Variants in MEGF10 observed in about 807,000 individuals in gnomAD.
MEGF10 encodes multiple epidermal growth factor-like domains protein 10.
Under a neutral mutation model 147.5 loss-of-function variants are expected in MEGF10, and 86 were observed. That is an observed-to-expected ratio of 0.58 (90% CI 0.49 to 0.70). The LOEUF (loss-of-function observed/expected upper bound fraction) is 0.70. Ranked by LOEUF, MEGF10 falls within the 30% of genes least tolerant of loss-of-function variation. MEGF10 has a pLI of 0.00. For synonymous variants in MEGF10, 478 were observed against 525.5 expected (o/e 0.91, Z 1.24); for missense variants, 1,329 against 1,487.3 (o/e 0.89, Z 1.75).
At chr5:127,236,591 A>G in the MEGF10 span, among the ~76,000 whole-genome samples, 1 of 152,092 alleles carries the variant, frequency 6.6e-6, no homozygotes, top group Admixed American at 6.5e-5. Flanking sequence ...GGACAGAACT[A>G]CTTCTATTTC....
In MEGF10 at chr5:127,367,734, T is replaced by A. The variant is rs559378458; in HGVS notation, c.320-2176T>A. 4.6e-5 allele frequency among the ~76,000 whole-genome samples: 7 copies of A among 152,334 alleles called. No homozygotes were observed. In the East Asian group the frequency reaches 9.6e-4, roughly 21 times the overall value. ...ACAGAATTTTAGTAGCTTTACTATGTTGAAGAAGGAGAATTGGTAAACTTG... is the reference window on the plus strand; with the variant it reads ...ACAGAATTTTAGTAGCTTTACTATGATGAAGAAGGAGAATTGGTAAACTTG... On this transcript the variant is annotated intron_variant, in intron 4 of 24. Coordinates refer to ENST00000503335, the MANE Select transcript of MEGF10 (RefSeq NM_001256545.2).
chr5:127,383,252 A>AT (rs975176110), intron 5 of MEGF10, among the ~76,000 whole-genome samples: 2 of 152,194 alleles, frequency 1.3e-5, no homozygotes, highest in Non-Finnish European at 2.9e-5. Flanking sequence ...GAAATGTTAC[A>AT]TAGCAGTTTA....
chr5:127,352,498 C>T (rs900029341), intron 4 of MEGF10, among the ~76,000 whole-genome samples: 2 of 152,058 alleles, frequency 1.3e-5, no homozygotes, highest in Non-Finnish European at 2.9e-5. Flanking sequence ...CTCGTCTTTA[C>T]TAAAATACAA....
the MEGF10 span, among the ~76,000 whole-genome samples, chr5:127,285,043 A>C: frequency 6.6e-6 from 1 of 152,228 alleles, no homozygotes; most frequent in Admixed American, 6.5e-5. Flanking sequence ...AGCAGACTGG[A>C]TGTAATAATA....
chr5:127,301,964 T>C (rs904870373), intron 1 of MEGF10, among the ~76,000 whole-genome samples: 3 of 152,218 alleles, frequency 2.0e-5, no homozygotes, highest in Admixed American at 2.0e-4. Context: ...ATAAGGAATT[T>C]ACAATATTTT....
At chr5:127,332,808 A>G (rs1188297654) in intron 2 of MEGF10, among the ~76,000 whole-genome samples, 2 of 152,178 alleles carry the variant, frequency 1.3e-5, no homozygotes, top group South Asian at 2.1e-4. Context: ...GTCATGAATC[A>G]TTGGCTACAT....
At chr5:127,417,873 C>A in intron 10 of MEGF10, 61 bp downstream of exon 10, 1 of 1,525,240 alleles carries the variant, frequency 6.6e-7, no homozygotes, top group South Asian at 1.2e-5. Flanking sequence ...ATCTCAATAC[C>A]ATGATTTATA....
chr5:127,456,874 T>C (rs914346870), intron 24 of MEGF10, among the ~76,000 whole-genome samples: 21 of 152,370 alleles, frequency 1.4e-4, no homozygotes, highest in African/African-American at 5.0e-4. Context: ...GGATTCTGTA[T>C]ATTCCCTTAA....
At chr5:127,245,918 C>T in the MEGF10 span, among the ~76,000 whole-genome samples, 1 of 152,074 alleles carries the variant, frequency 6.6e-6, no homozygotes, top group East Asian at 1.9e-4. Context: ...TCATCTCACG[C>T]CAGTTAGAAT....
chr5:127,314,141 T>C (rs867604011), intron 1 of MEGF10, among the ~76,000 whole-genome samples: 2 of 152,198 alleles, frequency 1.3e-5, no homozygotes, highest in African/African-American at 4.8e-5. Flanking sequence ...TGGATCCCAC[T>C]CTGTTATTTC....
At chr5:127,416,018 TTTTTGTTTTTGTTTTTGG>T (rs1171731112) in intron 9 of MEGF10, among the ~76,000 whole-genome samples, 11 of 147,362 alleles carry the variant, frequency 7.5e-5, no homozygotes, top group African/African-American at 2.8e-4. Flanking sequence ...TCAGTTTTTG[TTTTTGTTTTTGTTTTTGG>T]TTTTGTTTTT....
At chr5:127,375,490 A>G (rs1264434136) in intron 5 of MEGF10, among the ~76,000 whole-genome samples, 1 of 152,252 alleles carries the variant, frequency 6.6e-6, no homozygotes, top group Non-Finnish European at 1.5e-5. Context: ...AGGCTTAGAC[A>G]TATTCCTTCT....
At chr5:127,350,948 T>C (rs1762063897) in intron 4 of MEGF10, among the ~76,000 whole-genome samples, 2 of 151,830 alleles carry the variant, frequency 1.3e-5, no homozygotes, top group Non-Finnish European at 2.9e-5. Flanking sequence ...AACAATTCAA[T>C]TATACTCATG....
rs753843425 is a variant in MEGF10 at position 127,317,171 on chromosome 5, GTTGT to G, written c.-18-14113_-18-14110del. Among the ~76,000 whole-genome samples, 11 of 152,310 alleles carry G rather than the reference GTTGT, an allele frequency of 7.2e-5. 1 individual carries two copies. Among genetic ancestry groups the G allele is most frequent in the Admixed American group, 4.6e-4 (7 of 15,296 alleles). ...AAGCTTTTAAGAAGGGGAGTGTGGGGTTGTTTGTTTTTTTCTTGTAAATTTGTTA... is the reference window on the plus strand; with the variant it reads ...AAGCTTTTAAGAAGGGGAGTGTGGGGTTGTTTTTTTCTTGTAAATTTGTTA... On this transcript the variant is annotated intron_variant, in intron 1 of 24. Coordinates refer to ENST00000503335, the MANE Select transcript of MEGF10 (RefSeq NM_001256545.2).
chr5:127,412,303 T>C, intron 9 of MEGF10, among the ~76,000 whole-genome samples: 1 of 152,192 alleles, frequency 6.6e-6, no homozygotes, highest in East Asian at 1.9e-4. Flanking sequence ...TTAAAACAAG[T>C]TTAATGTTGA....
rs1043508658 is a variant in MEGF10 at position 127,457,629 on chromosome 5, C to A, written c.*311C>A. ...AGAACTCCCTCGGAGACGCAGGTTGCAGTGGACATTGGGATTGTTGCTTGA... is the reference window on the plus strand; with the variant it reads ...AGAACTCCCTCGGAGACGCAGGTTGAAGTGGACATTGGGATTGTTGCTTGA... On this transcript the variant is annotated 3_prime_UTR_variant, in exon 25 of 25. Transcript: ENST00000503335. The A allele has an allele frequency of 3.1e-6, 1 of 320,674 alleles. No individual in the cohort carries two copies. The highest frequency in any genetic ancestry group is 5.7e-5 in the South Asian group (1 of 17,426). The allele number at this position is 320,674 out of a possible 1,614,324, so 19.9% of individuals were successfully genotyped here. A position where few individuals can be genotyped will look rare whatever the true frequency, so the allele number is the denominator to read the frequency against.
intron 8 of MEGF10, among the ~76,000 whole-genome samples, chr5:127,405,103 C>T (rs943312558): frequency 7.1e-6 from 1 of 141,458 alleles, no homozygotes; most frequent in African/African-American, 2.8e-5. Flanking sequence ...AGCCCTGGAA[C>T]TTATCAGATT....
chr5:127,378,599 C>T (rs554219942), intron 5 of MEGF10, among the ~76,000 whole-genome samples: 1 of 152,258 alleles, frequency 6.6e-6, no homozygotes, highest in African/African-American at 2.4e-5. Flanking sequence ...ACAACAGGCA[C>T]ACACCACCAA....
At chr5:127,325,310 G>A (rs1580714776) in intron 1 of MEGF10, among the ~76,000 whole-genome samples, 1 of 152,094 alleles carries the variant, frequency 6.6e-6, no homozygotes, top group Non-Finnish European at 1.5e-5. Context: ...GCTATTATGG[G>A]CAGAGACTGT....
Sources: gnomAD v4.1 joint callset for allele counts (sites outside exome capture counted in the v4.1 genomes callset) on GRCh38, gnomAD v4.1.1 for gene constraint, MANE v1.5 for transcripts, NCBI Gene and HGNC (gene_info 2026-07-23, HGNC 2026-07-21) for gene names.